Variants in METAP1D observed in about 807,000 individuals in gnomAD.
METAP1D encodes the protein methionyl aminopeptidase type 1D, mitochondrial, also known as methionine aminopeptidase 1D, mitochondrial.
Under a neutral mutation model 40.5 loss-of-function variants are expected in METAP1D, and 31 were observed. The observed-to-expected ratio is 0.77, with a 90% CI of 0.58 to 1.03. The LOEUF (loss-of-function observed/expected upper bound fraction) is 1.03. METAP1D is among the 50% of genes least tolerant of loss of function. METAP1D has a pLI of 0.00. For missense variants in METAP1D, 411 were observed against 420.7 expected (o/e 0.98, Z 0.20); for synonymous variants, 151 against 146.4 (o/e 1.03, Z -0.22).
chr2:172,000,168 C>A (rs1408860391), intron 1 of METAP1D, among the ~76,000 whole-genome samples, 159 bp downstream of exon 1: 1 of 152,272 alleles, frequency 6.6e-6, no homozygotes. Flanking sequence ...ATGACACATT[C>A]ACACACCACA....
intron 1 of METAP1D, among the ~76,000 whole-genome samples, chr2:172,050,290 T>C (rs942537623): frequency 1.3e-5 from 2 of 152,234 alleles, no homozygotes; most frequent in Admixed American, 6.5e-5. Context: ...GTGCTTTTGA[T>C]CATAGATTAT....
chr2:172,028,590 GTGTGTTTTC>G (rs1158107880), intron 1 of METAP1D, among the ~76,000 whole-genome samples: 7 of 102,886 alleles, frequency 6.8e-5, no homozygotes, highest in African/African-American at 1.4e-4. Context: ...GTGTGTGTGT[GTGTGTTTTC>G]TTAGTGGTAA....
At chr2:172,024,506 GATA>G (rs1689079751) in intron 1 of METAP1D, among the ~76,000 whole-genome samples, 1 of 152,072 alleles carries the variant, frequency 6.6e-6, no homozygotes, top group African/African-American at 2.4e-5. Context: ...TCTCCAGGCA[GATA>G]AAAATTGGCC....
At position 172,077,586 on chromosome 2, in the gene METAP1D, C is replaced by T. The variant is rs146983959; in HGVS notation, c.705-211C>T. ...ACTGTGTTGGATAGATATGTACCTT[C>T]TCTCTTCATATATCCAAAGACAGTG... On this transcript the variant is annotated intron_variant, in intron 6 of 9. Coordinates refer to ENST00000315796, the MANE Select transcript of METAP1D (RefSeq NM_199227.3). Among the ~76,000 whole-genome samples the T allele has an allele frequency of 2.3e-3, 350 of 152,318 alleles. 3 individuals carry two copies. The East Asian group carries it at 0.033, about 14-fold the overall frequency.
chr2:172,017,508 C>CT (rs1688903183), intron 1 of METAP1D, among the ~76,000 whole-genome samples: 1 of 151,822 alleles, frequency 6.6e-6, no homozygotes, highest in South Asian at 2.1e-4. Context: ...AAGGACTGTG[C>CT]TTTTTTCATC....
At chr2:172,033,878 C>T (rs1689302972) in intron 1 of METAP1D, among the ~76,000 whole-genome samples, 1 of 151,656 alleles carries the variant, frequency 6.6e-6, no homozygotes, top group Non-Finnish European at 1.5e-5. Context: ...GGATTTGGGA[C>T]CAGCCTGGCC....
Position 172,081,356 on chromosome 2 carries a change from C to T in METAP1D, c.*950C>T, listed in dbSNP as rs903661742. ...GCTTGCACGCTGCAGGAGCCGCAAA[C>T]GTCAGCTGTTCTGGAAACCGAGAGG... is the stretch of plus-strand genomic sequence containing the variant. On this transcript the variant is annotated 3_prime_UTR_variant, in exon 10 of 10. Transcript: ENST00000315796. 6.6e-6 allele frequency: 1 copy of T among 152,352 alleles called. No homozygotes were observed. The highest frequency in any genetic ancestry group is 6.5e-5 in the Admixed American group (1 of 15,288). 9.4% of individuals were successfully genotyped at this position (152,352 alleles called of 1,614,324 possible). A position where few individuals can be genotyped will look rare whatever the true frequency, so the allele number is the denominator to read the frequency against.
chr2:172,009,548 C>T (rs560858038), intron 1 of METAP1D, among the ~76,000 whole-genome samples: 4 of 151,990 alleles, frequency 2.6e-5, no homozygotes, highest in South Asian at 2.1e-4. Flanking sequence ...GTATATGAAA[C>T]GTCATGGAGC....
In METAP1D at chr2:172,070,927, T is replaced by G. The variant is rs752976912; in HGVS notation, c.561T>G (p.His187Gln). ...IDVTVYYNGY[H>Q]GDTSETFLVG... ...TTTAGGTCTATTACAATGGCTACCA[T>G]GGAGACACCTCTGAAACATTTTTGG... The change falls in exon 6 of 10, where the codon CAT becomes CAG. Residue 187 changes from histidine (H) to glutamine (Q), a missense_variant. His to Gln is a conservative substitution (Grantham distance 24). Transcript: ENST00000315796. 81 of 1,611,802 alleles carry G rather than the reference T, an allele frequency of 5.0e-5. No homozygotes were observed. In the Admixed American group the frequency reaches 1.3e-3, roughly 25 times the overall value.
rs182460088 is a variant in METAP1D at position 172,002,205 on chromosome 2, G to A, written c.40+2196G>A. Among the ~76,000 whole-genome samples the A allele has an allele frequency of 3.3e-5, 5 of 150,056 alleles. No homozygotes were observed. In the East Asian group the frequency reaches 7.8e-4, roughly 23 times the overall value. ...TGAGGAGATAGTCAATGTAGAGGAG[G>A]AGCCAAAAAAAAAACAACCTGAAAA... On this transcript the variant is annotated intron_variant, in intron 1 of 9. Coordinates refer to ENST00000315796, the MANE Select transcript of METAP1D (RefSeq NM_199227.3).
intron 6 of METAP1D, among the ~76,000 whole-genome samples, chr2:172,074,295 AT>A (rs1176664945): frequency 6.6e-6 from 1 of 152,130 alleles, no homozygotes; most frequent in Non-Finnish European, 1.5e-5. Context: ...TCATAACTAT[AT>A]GTTTTGATAT....
intron 1 of METAP1D, among the ~76,000 whole-genome samples, chr2:172,005,096 C>A (rs531626803): frequency 6.6e-6 from 1 of 151,944 alleles, no homozygotes; most frequent in African/African-American, 2.4e-5. Context: ...TTGTTTTTTT[C>A]ATAAAGACAG....
At chr2:172,066,479 A>C (rs997896808) in intron 5 of METAP1D, among the ~76,000 whole-genome samples, 173 bp downstream of exon 5, 6 of 152,224 alleles carry the variant, frequency 3.9e-5, no homozygotes, top group African/African-American at 1.4e-4. Flanking sequence ...ATTCCAAGTA[A>C]ACCCAGGCCT....
chr2:172,036,982 G>A (rs1353880839), intron 1 of METAP1D, among the ~76,000 whole-genome samples: 1 of 152,192 alleles, frequency 6.6e-6, no homozygotes, highest in African/African-American at 2.4e-5. Flanking sequence ...TTTTATGGCT[G>A]CGGGCGGTGG....
intron 6 of METAP1D, 123 bp downstream of exon 6, chr2:172,071,193 A>G: frequency 1.3e-6 from 1 of 758,414 alleles, no homozygotes; most frequent in Non-Finnish European, 1.8e-6. Flanking sequence ...TGATATCAGT[A>G]TGTGAACTGC....
chr2:172,039,962 A>G (rs1277191444), intron 1 of METAP1D, among the ~76,000 whole-genome samples: 1 of 150,530 alleles, frequency 6.6e-6, no homozygotes, highest in East Asian at 2.0e-4. Context: ...GGCGTGAGCC[A>G]CTGCACCCAG....
intron 1 of METAP1D, among the ~76,000 whole-genome samples, chr2:172,045,797 ATGTGTGTGTGTGTG>A (rs763858243): frequency 3.2e-5 from 1 of 31,144 alleles, no homozygotes; most frequent in South Asian, 1.2e-3. Flanking sequence ...ATATGTATAT[ATGTGTGTGTGTGTG>A]TGTGTGTGTA....
chr2:172,027,052 A>T (rs1201105633), intron 1 of METAP1D, among the ~76,000 whole-genome samples: 3 of 152,198 alleles, frequency 2.0e-5, no homozygotes, highest in African/African-American at 7.2e-5. Flanking sequence ...GAGGTTGGAT[A>T]TGCCAAGATT....
chr2:172,010,585 C>T (rs776898679), intron 1 of METAP1D, among the ~76,000 whole-genome samples: 1 of 150,206 alleles, frequency 6.7e-6, no homozygotes, highest in Non-Finnish European at 1.5e-5. Context: ...CCTGTGCCTC[C>T]GGGTTCAAGT....
Sources: gnomAD v4.1 joint callset for allele counts (sites outside exome capture counted in the v4.1 genomes callset) on GRCh38, gnomAD v4.1.1 for gene constraint, MANE v1.5 for transcripts, NCBI Gene and HGNC (gene_info 2026-07-23, HGNC 2026-07-21) for gene names.